ATRX: variants seen among roughly 807,000 people sequenced by gnomAD.
ATRX encodes chromatin remodeler ATRX.
Under a neutral mutation model 172.6 loss-of-function variants are expected in ATRX, and 12 were observed. The observed-to-expected ratio is 0.07, with a 90% CI of 0.04 to 0.11. The LOEUF (loss-of-function observed/expected upper bound fraction) is 0.11. Ranked by LOEUF, ATRX falls within the 10% of genes least tolerant of loss-of-function variation. The pLI, the probability that ATRX is intolerant of heterozygous loss-of-function variation, is 1.00. For missense variants in ATRX, 1,368 were observed against 1,767.4 expected (o/e 0.77, Z 4.05); for synonymous variants, 674 against 594.7 (o/e 1.13, Z -1.94).
At chrX:77,625,098 G>A (rs2067773076) in intron 19 of ATRX, among the ~76,000 whole-genome samples, 1 of 111,775 alleles carries the variant, frequency 8.9e-6, no homozygotes, top group East Asian at 2.8e-4. Context: ...CAAATACTTA[G>A]AGCCAACTAA....
At chrX:77,701,869 C>G (rs1272803687) in intron 2 of ATRX, among the ~76,000 whole-genome samples, 4 of 110,769 alleles carry the variant, frequency 3.6e-5, no homozygotes, top group African/African-American at 1.3e-4. Context: ...AGTTCAAGAC[C>G]AGCCTAGCCA....
At chrX:77,617,260 G>T (rs2067392187) in intron 21 of ATRX, among the ~76,000 whole-genome samples, 1 of 111,885 alleles carries the variant, frequency 8.9e-6, no homozygotes, top group Non-Finnish European at 1.9e-5. Context: ...CCATTTTATT[G>T]TAAGAGTAGA....
intron 27 of ATRX, among the ~76,000 whole-genome samples, chrX:77,585,672 G>A (rs2065991491): frequency 2.1e-5 from 2 of 95,698 alleles, no homozygotes; most frequent in Non-Finnish European, 4.1e-5. Flanking sequence ...AATGGAAATC[G>A]GTATATCGAA....
chrX:77,653,411 T>C (rs782760819), intron 14 of ATRX, among the ~76,000 whole-genome samples: 4 of 111,991 alleles, frequency 3.6e-5, no homozygotes, highest in African/African-American at 9.7e-5. Context: ...TGGATGAACC[T>C]AGAAAATATT....
intron 22 of ATRX, among the ~76,000 whole-genome samples, chrX:77,607,708 C>CAA (rs35946932): frequency 4.7e-3 from 192 of 40,915 alleles, no homozygotes; most frequent in East Asian, 5.7e-3. Flanking sequence ...GACTCTGTCT[C>CAA]AAAAAAAAAA....
chrX:77,737,386 G>A (rs1454054851), intron 1 of ATRX, among the ~76,000 whole-genome samples: 1 of 80,404 alleles, frequency 1.2e-5, no homozygotes, highest in Non-Finnish European at 2.2e-5. Flanking sequence ...TCGCACCATT[G>A]CACTCCAGCT....
chrX:77,662,885 C>T (rs2069998751), intron 12 of ATRX, among the ~76,000 whole-genome samples: 1 of 108,948 alleles, frequency 9.2e-6, no homozygotes, highest in Non-Finnish European at 1.9e-5. Flanking sequence ...TTAGTAGAGA[C>T]GGGGTTTCAC....
intron 1 of ATRX, among the ~76,000 whole-genome samples, chrX:77,775,325 G>A (rs898388806): frequency 1.8e-5 from 2 of 111,323 alleles, no homozygotes; most frequent in Non-Finnish European, 3.8e-5. Flanking sequence ...AAAAGGAAGG[G>A]ATGATTACTC....
At chrX:77,592,881 T>C (rs2066328272) in intron 26 of ATRX, among the ~76,000 whole-genome samples, 1 of 107,641 alleles carries the variant, frequency 9.3e-6, no homozygotes, top group African/African-American at 3.4e-5. Context: ...AAAGGAATGG[T>C]GGCAAAAATG....
chrX:77,652,470 G>T, intron 14 of ATRX, 117 bp from the exon 15 acceptor site: 187 of 490,876 alleles, frequency 3.8e-4, no homozygotes, highest in Middle Eastern at 5.4e-4. Flanking sequence ...AAAACCTTTA[G>T]AATTATATTC....
intron 1 of ATRX, among the ~76,000 whole-genome samples, chrX:77,777,853 C>G (rs2076411577): frequency 9.0e-6 from 1 of 110,535 alleles, no homozygotes; most frequent in Admixed American, 9.7e-5. Context: ...GTAGGTAATA[C>G]TGGCCAGGCG....
At chrX:77,704,160 T>G (rs1289909350) in intron 2 of ATRX, among the ~76,000 whole-genome samples, 1 of 110,316 alleles carries the variant, frequency 9.1e-6, no homozygotes, top group South Asian at 3.9e-4. Context: ...CTAGTATGAG[T>G]AGTACCTCTC....
At chrX:77,537,708 C>A (rs782130303) in intron 30 of ATRX, among the ~76,000 whole-genome samples, 1 of 110,450 alleles carries the variant, frequency 9.1e-6, no homozygotes, top group African/African-American at 3.3e-5. Flanking sequence ...GTGTTTTACA[C>A]CCTAACCAAG....
At chrX:77,777,761 C>T (rs1342860900) in intron 1 of ATRX, among the ~76,000 whole-genome samples, 2 of 111,525 alleles carry the variant, frequency 1.8e-5, no homozygotes, top group African/African-American at 6.5e-5. Flanking sequence ...TTCAAATGAG[C>T]AAAATGAAGA....
rs2148498031 is a variant in ATRX at position 77,664,735 on chromosome X, A to G, written c.3853T>C (p.Ser1285Pro). 1 of 1,208,715 alleles carries G rather than the reference A, an allele frequency of 8.3e-7. No homozygotes were observed. The highest frequency in any genetic ancestry group is 1.1e-6 in the Non-Finnish European group (1 of 893,366). ...TCTGAAGATCCATCCTCATCAGAGG[A>G]AAGATTGGCTTTAATTTCTTCTAAA... is the stretch of plus-strand genomic sequence containing the variant. Reference protein sequence around the residue: ...MLLEEIKANLSSDEDGSSDDE... With the variant: ...MLLEEIKANLPSDEDGSSDDE... Residue 1285 changes from serine to proline, a missense_variant, in exon 11 of 35, where the codon TCC becomes CCC. Ser to Pro is a moderately conservative substitution (Grantham distance 74, BLOSUM62 -1). This residue lies in a region of ATRX where 119 missense variants were observed against 131.3 expected (regional missense o/e 0.91). Transcript: ENST00000373344.
chrX:77,706,397 C>T (rs368504839), intron 2 of ATRX, among the ~76,000 whole-genome samples: 1 of 110,595 alleles, frequency 9.0e-6, no homozygotes, highest in East Asian at 2.8e-4. Context: ...AAGCTGGACC[C>T]CTACTTCGCA....
At chrX:77,624,338 G>T (rs957834987) in intron 19 of ATRX, among the ~76,000 whole-genome samples, 4 of 111,066 alleles carry the variant, frequency 3.6e-5, no homozygotes, top group Non-Finnish European at 7.6e-5. Context: ...CTGCACTCCA[G>T]CCTGGGCGAC....
chrX:77,737,769 A>G (rs558692911), intron 1 of ATRX, among the ~76,000 whole-genome samples: 2 of 110,529 alleles, frequency 1.8e-5, no homozygotes, highest in South Asian at 7.7e-4. Flanking sequence ...TTTAAATTTC[A>G]TGCCTTAATT....
intron 19 of ATRX, among the ~76,000 whole-genome samples, chrX:77,623,931 C>A (rs1190313347): frequency 8.9e-6 from 1 of 111,762 alleles, no homozygotes; most frequent in African/African-American, 3.3e-5. Context: ...CTATGACAAA[C>A]CCATAGCCAA....
Sources: allele counts gnomAD v4.1 joint callset (sites outside exome capture counted in the v4.1 genomes callset), GRCh38; gene constraint gnomAD v4.1.1; regional missense constraint gnomAD v4.1.1; transcripts MANE v1.5; gene names NCBI Gene and HGNC (gene_info 2026-07-23, HGNC 2026-07-21).